Variants in PCBP3 observed in about 807,000 individuals in gnomAD.
PCBP3 encodes the protein poly(rC) binding protein 3.
Under a neutral mutation model 52.7 loss-of-function variants are expected in PCBP3, and 25 were observed. That is an observed-to-expected ratio of 0.47 (90% CI 0.35 to 0.66). The LOEUF (loss-of-function observed/expected upper bound fraction) is 0.66. PCBP3 is among the 30% of genes least tolerant of loss of function. PCBP3 has a pLI of 0.01. For synonymous variants in PCBP3, 162 were observed against 183.0 expected (o/e 0.89, Z 0.93); for missense variants, 391 against 490.3 (o/e 0.80, Z 1.91).
rs753319752 is a variant in PCBP3, at chr21:45,837,157, G to A, written c.-125-12804G>A. ...GTACCAATTCCCATCCCCCAGCAGC[G>A]TGTTAGCGCCACGGATGATCTACAG... On this transcript the variant is annotated intron_variant, in intron 4 of 17. Transcript: ENST00000681687. The surrounding 1 kb of genome is among the most constrained non-coding windows in gnomAD (Gnocchi z 4.1). Among the ~76,000 whole-genome samples the A allele has an allele frequency of 5.9e-5, 9 of 152,228 alleles. No individual in the cohort carries two copies. Among genetic ancestry groups the A allele is most frequent in the Non-Finnish European group, 1.2e-4 (8 of 68,044 alleles).
chr21:45,798,121 T>C (rs2092088555), intron 4 of PCBP3, among the ~76,000 whole-genome samples: 1 of 138,306 alleles, frequency 7.2e-6, no homozygotes, highest in Non-Finnish European at 1.5e-5. Flanking sequence ...GATGGACAGA[T>C]GCATGTATCC....
chr21:45,668,619 T>C (rs1187854041), intron 1 of PCBP3, among the ~76,000 whole-genome samples: 1 of 152,100 alleles, frequency 6.6e-6, no homozygotes, highest in Admixed American at 6.6e-5. Context: ...TTACAAAATT[T>C]ATGTTCTTAG....
intron 3 of PCBP3, among the ~76,000 whole-genome samples, chr21:45,742,117 CT>C (rs2086494841): frequency 2.0e-5 from 3 of 151,998 alleles, no homozygotes; most frequent in Admixed American, 2.0e-4. Flanking sequence ...TTTATTTTTT[CT>C]GATTTTCCAC....
intron 4 of PCBP3, among the ~76,000 whole-genome samples, chr21:45,795,375 A>C (rs1324873638): frequency 6.8e-6 from 1 of 146,982 alleles, no homozygotes; most frequent in Non-Finnish European, 1.5e-5. Flanking sequence ...CTCCAGGACC[A>C]TTCACAAATA....
intron 2 of PCBP3, among the ~76,000 whole-genome samples, chr21:45,679,246 G>A (rs982827438): frequency 2.6e-5 from 4 of 152,056 alleles, no homozygotes; most frequent in Admixed American, 2.6e-4. Flanking sequence ...TCAGCCTCCT[G>A]AGTAGCTGGG....
rs60031918 is a variant in PCBP3, at chr21:45,887,288, A to C, written c.11-8920A>C. On this transcript the variant is annotated intron_variant, in intron 5 of 17. Coordinates refer to ENST00000681687, the MANE Select transcript of PCBP3 (RefSeq NM_001384156.1). ...TTTTTAGCAGGAAGGATTGGGAAGC[A>C]CTGTGTGCTCCATTTCCCAGAAGCA... is the stretch of plus-strand genomic sequence containing the variant. Among the ~76,000 whole-genome samples, 106 of 152,346 alleles carry C rather than the reference A, an allele frequency of 7.0e-4. 1 individual carries two copies. In the East Asian group the frequency reaches 0.019, roughly 28 times the overall value.
At chr21:45,797,961 G>T (rs1256599206) in intron 4 of PCBP3, among the ~76,000 whole-genome samples, 2 of 64,084 alleles carry the variant, frequency 3.1e-5, no homozygotes, top group Non-Finnish European at 6.3e-5. Flanking sequence ...GATCCATAGA[G>T]AGAGTGAATG....
At chr21:45,925,620 G>GA (rs547217178) in intron 13 of PCBP3, among the ~76,000 whole-genome samples, 52 of 150,564 alleles carry the variant, frequency 3.5e-4, no homozygotes, top group African/African-American at 1.1e-3. Context: ...TAAGAACCCA[G>GA]AAAAAATGAA....
chr21:45,900,204 C>T (rs535369057), intron 7 of PCBP3, among the ~76,000 whole-genome samples: 130 of 152,252 alleles, frequency 8.5e-4, no homozygotes, highest in African/African-American at 3.0e-3. Context: ...CTTGAGAGGG[C>T]GCGTCTCTGA....
intron 5 of PCBP3, among the ~76,000 whole-genome samples, chr21:45,869,955 C>T (rs2094932635): frequency 6.6e-6 from 1 of 152,162 alleles, no homozygotes; most frequent in African/African-American, 2.4e-5. Flanking sequence ...GCTTTTTAGT[C>T]GGATTTTTTT....
At chr21:45,756,797 T>C (rs921191147) in intron 4 of PCBP3, among the ~76,000 whole-genome samples, 1 of 152,220 alleles carries the variant, frequency 6.6e-6, no homozygotes, top group Admixed American at 6.5e-5. Context: ...CTCAGCATAT[T>C]TTCAAAGTTT....
chr21:45,834,659 G>A (rs2093538508), intron 4 of PCBP3, among the ~76,000 whole-genome samples: 1 of 152,254 alleles, frequency 6.6e-6, no homozygotes, highest in Non-Finnish European at 1.5e-5. Flanking sequence ...GAGATGGCGT[G>A]CAGATGGAAG....
chr21:45,784,429 C>G (rs1005432628), intron 4 of PCBP3, among the ~76,000 whole-genome samples: 3 of 117,598 alleles, frequency 2.6e-5, no homozygotes, highest in Non-Finnish European at 5.6e-5. Context: ...CCCCTACCTC[C>G]TACCTCCTAC....
intron 13 of PCBP3, among the ~76,000 whole-genome samples, chr21:45,921,600 G>C (rs2074443436): frequency 6.6e-6 from 1 of 152,222 alleles, no homozygotes; most frequent in Admixed American, 6.5e-5. Flanking sequence ...TGGATCGCTT[G>C]AGCTCAGGAG....
chr21:45,918,192 G>A (rs1429508716), intron 13 of PCBP3: 2 of 167,732 alleles, frequency 1.2e-5, no homozygotes, highest in Non-Finnish European at 2.6e-5. Context: ...CGGGCATAGC[G>A]TCCTTGGCTC....
In PCBP3 at chr21:45,896,343, G is replaced by T. The variant is rs1240869164; in HGVS notation, c.146G>T (p.Arg49Leu). Residue 49 changes from arginine to leucine, a missense_variant, in exon 6 of 18, where the codon CGC becomes CTC. By Grantham distance (102) the Arg-to-Leu change is moderately radical. Coordinates refer to ENST00000681687, the MANE Select transcript of PCBP3 (RefSeq NM_001384156.1). ...EGGLNVTLTI[R>L]LLMHGKEVGS... The stretch of plus-strand genomic sequence containing the variant: ...GGCCTGAATGTGACCCTCACCATCC[G>T]CCTGCTGATGCATGGAAAGGTAAGA... The T allele has an allele frequency of 6.4e-7, 1 of 1,551,844 alleles. No homozygotes were observed. Among genetic ancestry groups the T allele is most frequent in the Non-Finnish European group, 8.7e-7 (1 of 1,147,018 alleles).
chr21:45,656,220 A>C lies in PCBP3; in HGVS notation c.-279+12352A>C, dbSNP rs1353119619. 6.6e-6 allele frequency among the ~76,000 whole-genome samples: 1 copy of C among 152,238 alleles called. No individual in the cohort carries two copies. Among genetic ancestry groups the C allele is most frequent in the Non-Finnish European group, 1.5e-5 (1 of 68,042 alleles). On this transcript the variant is annotated intron_variant, in intron 1 of 17. Transcript: ENST00000681687. The surrounding 1 kb of genome is among the most constrained non-coding windows in gnomAD (Gnocchi z 4.3). Reference sequence around the variant, plus strand: ...TATGTTTATTGCAGCATTGTTCACGATAGCAAAGACTTGGAACCCACCCAA... The same window carrying C: ...TATGTTTATTGCAGCATTGTTCACGCTAGCAAAGACTTGGAACCCACCCAA...
intron 3 of PCBP3, among the ~76,000 whole-genome samples, chr21:45,740,416 T>C (rs1476323367): frequency 6.6e-6 from 1 of 152,212 alleles, no homozygotes. Flanking sequence ...GATTGGCAAA[T>C]TGATTTCACA....
chr21:45,659,556 G>T (rs1357382800), intron 1 of PCBP3, among the ~76,000 whole-genome samples: 1 of 151,916 alleles, frequency 6.6e-6, no homozygotes, highest in African/African-American at 2.4e-5. Flanking sequence ...TTGTCATGTT[G>T]CTCAGACTGG....
Sources: gnomAD v4.1 joint callset for allele counts (sites outside exome capture counted in the v4.1 genomes callset) on GRCh38, gnomAD v4.1.1 for gene constraint, Gnocchi (gnomAD v3.1) non-coding constraint, MANE v1.5 for transcripts, NCBI Gene and HGNC (gene_info 2026-07-23, HGNC 2026-07-21) for gene names.